MAPK10: variants seen among roughly 807,000 people sequenced by gnomAD.
MAPK10 encodes the protein JNK3 alpha protein kinase.
MAPK10 carries 25 observed loss-of-function variants against 59.3 expected under a neutral mutation model. The ratio of observed to expected loss-of-function variants is 0.42; its 90% CI spans 0.31 to 0.59. The LOEUF is 0.59. MAPK10 is among the 20% of genes least tolerant of loss of function. MAPK10 has a pLI of 0.15. For synonymous variants in MAPK10, 190 were observed against 200.5 expected, an observed-to-expected ratio of 0.95 and a Z score of 0.44; for missense variants, 351 against 568.9, an observed-to-expected ratio of 0.62 and a Z score of 3.90.
intron 1 of MAPK10, among the ~76,000 whole-genome samples, chr4:86,567,377 C>T (rs1000254463): frequency 1.3e-5 from 2 of 152,078 alleles, no homozygotes; most frequent in Non-Finnish European, 2.9e-5. Context: ...TGCACCACCA[C>T]GCTTGGCTAA....
At position 86,538,151 on chromosome 4, in the gene MAPK10, C is replaced by CTT. The variant is rs398063764; in HGVS notation, c.-263+55757_-263+55758dup. 2.3e-4 allele frequency among the ~76,000 whole-genome samples: 33 copies of CTT among 146,578 alleles called. No individual in the cohort carries two copies. The East Asian group carries it at 2.6e-3, about 11-fold the overall frequency. On this transcript the variant is annotated intron_variant, in intron 1 of 4. Transcript: ENST00000502302. Reference sequence around the variant, plus strand: ...TAATTACTATAGCCTTATAATAAATCTTTTTTTTTTTTTAGACGGAGTTTC... The same window carrying CTT: ...TAATTACTATAGCCTTATAATAAATCTTTTTTTTTTTTTTTAGACGGAGTTTC...
At chr4:86,545,835 T>C (rs1018708914) in intron 1 of MAPK10, among the ~76,000 whole-genome samples, 3 of 152,240 alleles carry the variant, frequency 2.0e-5, no homozygotes, top group African/African-American at 7.2e-5. Flanking sequence ...TTTAAAAAAT[T>C]AGCCATGCAT....
At chr4:86,166,130 G>A (rs1239083267) in intron 3 of MAPK10, among the ~76,000 whole-genome samples, 1 of 152,170 alleles carries the variant, frequency 6.6e-6, no homozygotes, top group Non-Finnish European at 1.5e-5. Context: ...GCTAGTATGA[G>A]TAACAGGCAA....
At chr4:86,212,799 A>C (rs151292138) in intron 2 of MAPK10, among the ~76,000 whole-genome samples, 17 of 152,136 alleles carry the variant, frequency 1.1e-4, no homozygotes, top group African/African-American at 3.9e-4. Flanking sequence ...TCAACATGCT[A>C]TTCTAAATAG....
intron 1 of MAPK10, among the ~76,000 whole-genome samples, chr4:86,490,739 A>G (rs935127641): frequency 1.3e-5 from 2 of 152,194 alleles, no homozygotes; most frequent in African/African-American, 2.4e-5. Flanking sequence ...TCTAATTCAT[A>G]TGCTCAAATG....
chr4:86,225,836 ACT>A (rs902995223), intron 2 of MAPK10, among the ~76,000 whole-genome samples: 5 of 151,958 alleles, frequency 3.3e-5, no homozygotes, highest in Admixed American at 1.3e-4. Context: ...TTTGATATTA[ACT>A]CTCTCTCCAA....
intron 2 of MAPK10, among the ~76,000 whole-genome samples, chr4:86,194,857 T>C (rs1487746520): frequency 6.6e-6 from 1 of 151,930 alleles, no homozygotes; most frequent in Non-Finnish European, 1.5e-5. Context: ...GAGCTTACTG[T>C]ATCAGTAATA....
chr4:86,219,768 T>A (rs1335935750), intron 2 of MAPK10: 1 of 152,088 alleles, frequency 6.6e-6, no homozygotes. Flanking sequence ...TATTCTATAT[T>A]TTTCAGGTAT....
chr4:86,321,552 A>T (rs981832632), intron 2 of MAPK10, among the ~76,000 whole-genome samples: 4 of 133,172 alleles, frequency 3.0e-5, no homozygotes, highest in Admixed American at 9.1e-5. Context: ...ACATGGACAC[A>T]GGAAGGGGAA....
chr4:86,184,811 G>A (rs533930020), intron 3 of MAPK10, among the ~76,000 whole-genome samples: 25 of 152,168 alleles, frequency 1.6e-4, no homozygotes, highest in African/African-American at 4.6e-4. Flanking sequence ...TTGTACTGTC[G>A]CAGAACCATG....
chr4:86,335,208 A>C (rs1720457982), intron 2 of MAPK10: 1 of 152,206 alleles, frequency 6.6e-6, no homozygotes, highest in South Asian at 2.1e-4. Flanking sequence ...TCCCTGATAC[A>C]TGTTTTGAAT....
intron 1 of MAPK10, among the ~76,000 whole-genome samples, chr4:86,395,671 A>T (rs1057432293): frequency 1.3e-5 from 2 of 152,092 alleles, no homozygotes; most frequent in Non-Finnish European, 2.9e-5. Flanking sequence ...CTTAAAGGAG[A>T]GATATTCATT....
chr4:86,052,999 T>A (rs72662011), intron 11 of MAPK10, among the ~76,000 whole-genome samples: 10,337 of 151,848 alleles, frequency 0.068, 420 homozygotes, highest in Middle Eastern at 0.12. Flanking sequence ...ATTTTTTTTT[T>A]AAAAAGAAGA....
intron 1 of MAPK10, among the ~76,000 whole-genome samples, chr4:86,582,510 C>A (rs527727185): frequency 3.9e-5 from 6 of 152,160 alleles, no homozygotes; most frequent in Admixed American, 3.9e-4. Context: ...TATCAAATAA[C>A]TACCTTGGCT....
chr4:86,554,593 T>G (rs1382822344), intron 1 of MAPK10, among the ~76,000 whole-genome samples: 1 of 152,208 alleles, frequency 6.6e-6, no homozygotes, highest in East Asian at 1.9e-4. Context: ...CATTCTTCCC[T>G]ATTTCCTCAG....
intron 2 of MAPK10, among the ~76,000 whole-genome samples, chr4:86,286,657 C>T (rs1266364123): frequency 6.6e-6 from 1 of 152,132 alleles, no homozygotes; most frequent in East Asian, 1.9e-4. Context: ...GAGATCCACT[C>T]GGAGCAGCCT....
At chr4:86,203,701 T>C (rs534093174) in intron 2 of MAPK10, among the ~76,000 whole-genome samples, 3 of 150,362 alleles carry the variant, frequency 2.0e-5, no homozygotes, top group East Asian at 4.0e-4. Flanking sequence ...TAATTAAAAA[T>C]GACTTTGTGT....
At chr4:86,411,446 C>T (rs553821461) in intron 1 of MAPK10, among the ~76,000 whole-genome samples, 82 of 152,250 alleles carry the variant, frequency 5.4e-4, no homozygotes, top group African/African-American at 1.9e-3. Context: ...AGTTCAAGTC[C>T]TGGATAGCCT....
intron 4 of MAPK10, among the ~76,000 whole-genome samples, chr4:86,108,988 TTCC>T (rs2057006537): frequency 1.3e-5 from 2 of 152,160 alleles, no homozygotes; most frequent in Admixed American, 6.6e-5. Context: ...TCTGGTCAGT[TTCC>T]TCTGAATAAA....
Sources: allele counts gnomAD v4.1 joint callset (sites outside exome capture counted in the v4.1 genomes callset), GRCh38; gene constraint gnomAD v4.1.1; transcripts MANE v1.5; gene names NCBI Gene and HGNC (gene_info 2026-07-23, HGNC 2026-07-21).